KLRG1: variants seen among roughly 807,000 people sequenced by gnomAD.
KLRG1 encodes killer cell lectin like receptor G1, also known as killer cell lectin-like receptor subfamily G member 1.
KLRG1 carries 16 observed loss-of-function variants against 21.8 expected under a neutral mutation model. The observed-to-expected ratio is 0.73, with a 90% CI of 0.50 to 1.11. KLRG1 has a LOEUF of 1.11. KLRG1 is among the 50% of genes most tolerant of loss of function. The probability of loss-of-function intolerance (pLI) is 0.00; values close to 1 mark genes in which losing one functional copy is unlikely to be tolerated. For missense variants in KLRG1, 173 were observed against 218.3 expected, an observed-to-expected ratio of 0.79 and a Z score of 1.31; for synonymous variants, 69 against 75.9, an observed-to-expected ratio of 0.91 and a Z score of 0.47.
At chr12:9,095,097 T>A in the KLRG1 span, 19 of 1,369,962 alleles carry the variant, frequency 1.4e-5, no homozygotes, top group African/African-American at 2.5e-4. Context: ...GCAAAGAAAA[T>A]TATCATCTAA....
chr12:9,210,379 C>T, the KLRG1 span, among the ~76,000 whole-genome samples: 1 of 152,138 alleles, frequency 6.6e-6, no homozygotes, highest in Non-Finnish European at 1.5e-5. Context: ...AAGGGTCTAT[C>T]AGGAACATCT....
At chr12:8,994,957 T>C (rs1163026097) in intron 2 of KLRG1, among the ~76,000 whole-genome samples, 162 bp from the exon 3 acceptor site, 2 of 152,238 alleles carry the variant, frequency 1.3e-5, no homozygotes, top group Admixed American at 1.3e-4. Context: ...TTATGAGGTA[T>C]TCAAATTGAC....
the KLRG1 span, among the ~76,000 whole-genome samples, chr12:9,149,386 T>C: frequency 6.6e-6 from 1 of 152,198 alleles, no homozygotes; most frequent in Admixed American, 6.5e-5. Context: ...ATATCTGAAA[T>C]TGGAGAGTCC....
the KLRG1 span, chr12:9,148,715 C>G: frequency 7.2e-6 from 3 of 417,390 alleles, no homozygotes; most frequent in Non-Finnish European, 1.3e-5. Flanking sequence ...AACCTCCACT[C>G]TGCTTTCCTA....
chr12:9,049,359 G>T, the KLRG1 span, among the ~76,000 whole-genome samples: 2 of 152,072 alleles, frequency 1.3e-5, no homozygotes, highest in African/African-American at 2.4e-5. Flanking sequence ...TCCTGTATTT[G>T]GTCACCAGGT....
chr12:9,114,953 G>C, the KLRG1 span, among the ~76,000 whole-genome samples: 1 of 152,132 alleles, frequency 6.6e-6, no homozygotes, highest in Non-Finnish European at 1.5e-5. Context: ...TCTTTAATGA[G>C]AATGATGAGC....
the KLRG1 span, among the ~76,000 whole-genome samples, chr12:9,210,238 C>CT: frequency 6.6e-6 from 1 of 152,118 alleles, no homozygotes; most frequent in Non-Finnish European, 1.5e-5. Flanking sequence ...AGGCATTTTA[C>CT]TTTTTATCAA....
At chr12:9,201,461 CA>C in the KLRG1 span, 2 of 785,028 alleles carry the variant, frequency 2.5e-6, no homozygotes, top group Admixed American at 4.9e-5. Context: ...CTAAATTCAA[CA>C]AGAAACATAA....
At chr12:9,202,218 A>T in the KLRG1 span, 1 of 1,096,460 alleles carries the variant, frequency 9.1e-7, no homozygotes, top group Admixed American at 2.0e-5. Flanking sequence ...TTCAAAAACA[A>T]GTGTCTTTCA....
the KLRG1 span, among the ~76,000 whole-genome samples, chr12:9,166,488 C>T: frequency 5.9e-5 from 9 of 152,022 alleles, no homozygotes; most frequent in African/African-American, 1.9e-4. Context: ...GGTTTTGTGG[C>T]GAAGGACCAA....
the KLRG1 span, among the ~76,000 whole-genome samples, chr12:9,139,923 G>A: frequency 6.6e-6 from 1 of 152,176 alleles, no homozygotes; most frequent in South Asian, 2.1e-4. Context: ...GCTTATCACA[G>A]GCTTGGAATG....
chr12:9,029,753 TTTAA>T, the KLRG1 span, among the ~76,000 whole-genome samples: 28 of 152,164 alleles, frequency 1.8e-4, no homozygotes, highest in Non-Finnish European at 4.1e-4. Context: ...AGTCTGTATT[TTTAA>T]TTAATTAATT....
chr12:9,197,953 C>T, the KLRG1 span, among the ~76,000 whole-genome samples: 1 of 127,954 alleles, frequency 7.8e-6, no homozygotes, highest in Admixed American at 9.4e-5. Context: ...ATTTATATTA[C>T]ATATTTATAT....
chr12:9,190,122 C>T, the KLRG1 span, among the ~76,000 whole-genome samples: 7 of 152,018 alleles, frequency 4.6e-5, no homozygotes, highest in African/African-American at 1.7e-4. Context: ...TATCATTTGA[C>T]CCAAGAATCC....
At chr12:8,987,306 C>T (rs1020871465), upstream of KLRG1, 3 of 152,136 alleles carry the variant, frequency 2.0e-5, no homozygotes, top group Non-Finnish European at 4.4e-5. Flanking sequence ...GGGTGGGGCC[C>T]TGATCTGATA....
At chr12:9,051,118 A>G in the KLRG1 span, among the ~76,000 whole-genome samples, 3 of 152,176 alleles carry the variant, frequency 2.0e-5, no homozygotes, top group Admixed American at 2.0e-4. Context: ...CAATCGGCAC[A>G]CACTTCCTCC....
At chr12:9,076,823 G>C in the KLRG1 span, 7 of 1,613,990 alleles carry the variant, frequency 4.3e-6, no homozygotes, top group East Asian at 2.2e-5. Flanking sequence ...TACCTGCCAG[G>C]GCAAAAGCAT....
At chr12:9,093,397 C>T in the KLRG1 span, 1 of 1,061,982 alleles carries the variant, frequency 9.4e-7, no homozygotes, top group Non-Finnish European at 1.5e-6. Flanking sequence ...AACAGAAAAA[C>T]TAGCAAAGAG....
At chr12:9,097,203 T>G in the KLRG1 span, among the ~76,000 whole-genome samples, 13 of 152,222 alleles carry the variant, frequency 8.5e-5, no homozygotes, top group Admixed American at 2.0e-4. Context: ...ACTGTTGAAA[T>G]GTACTTGATG....
Sources: allele counts gnomAD v4.1 joint callset (sites outside exome capture counted in the v4.1 genomes callset), GRCh38; gene constraint gnomAD v4.1.1; transcripts MANE v1.5; gene names NCBI Gene and HGNC (gene_info 2026-07-23, HGNC 2026-07-21).